Variants in PPFIA2 observed in about 807,000 individuals in gnomAD.
PPFIA2 encodes the protein liprin-alpha-2.
PPFIA2 carries 46 observed loss-of-function variants against 175.5 expected under a neutral mutation model. The ratio of observed to expected loss-of-function variants is 0.26; its 90% CI spans 0.21 to 0.34. The LOEUF is 0.34. Among genes scored for constraint, PPFIA2 ranks in the 10% least tolerant of loss-of-function variants. PPFIA2 has a pLI of 1.00. For missense variants in PPFIA2, 1,179 were observed against 1,506.1 expected (o/e 0.78, Z 3.60); for synonymous variants, 568 against 511.4 (o/e 1.11, Z -1.49).
chr12:81,440,806 A>ATATCC (rs1462185252), intron 6 of PPFIA2, among the ~76,000 whole-genome samples: 73 of 146,654 alleles, frequency 5.0e-4, no homozygotes, highest in Non-Finnish European at 7.1e-4. Context: ...ATCTATATAT[A>ATATCC]TGTCCTGATA....
chr12:81,689,737 A>T (rs1442409265), intron 3 of PPFIA2, among the ~76,000 whole-genome samples: 1 of 152,064 alleles, frequency 6.6e-6, no homozygotes, highest in Non-Finnish European at 1.5e-5. Context: ...AATTTAGAAT[A>T]TTTTATATCC....
chr12:81,677,975 A>G (rs2072883629), intron 3 of PPFIA2, among the ~76,000 whole-genome samples: 1 of 151,894 alleles, frequency 6.6e-6, no homozygotes, highest in Admixed American at 6.6e-5. Context: ...CCAGGTTTTT[A>G]GTGTTTGCAA....
chr12:81,511,288 GCCAACAGACACTT>G (rs2061762954), intron 4 of PPFIA2, among the ~76,000 whole-genome samples: 1 of 152,062 alleles, frequency 6.6e-6, no homozygotes, highest in African/African-American at 2.4e-5. Context: ...TCTCACCACT[GCCAACAGACACTT>G]TGTGATGGGT....
At chr12:81,380,837 T>A (rs1391211645) in intron 9 of PPFIA2, among the ~76,000 whole-genome samples, 1 of 152,110 alleles carries the variant, frequency 6.6e-6, no homozygotes, top group Non-Finnish European at 1.5e-5. Context: ...AATTTGAGAC[T>A]TTCCATGTAA....
chr12:81,427,026 T>A (rs1363146754), intron 7 of PPFIA2, among the ~76,000 whole-genome samples: 2 of 152,262 alleles, frequency 1.3e-5, no homozygotes, highest in Non-Finnish European at 2.9e-5. Flanking sequence ...TAAAGGTAGT[T>A]TAATTTGATT....
At chr12:81,457,965 G>A in intron 4 of PPFIA2, 99 bp from the exon 5 acceptor site, 1 of 716,996 alleles carries the variant, frequency 1.4e-6, no homozygotes, top group Non-Finnish European at 2.3e-6. Context: ...GGGGAAAAAT[G>A]ACCCCACTGA....
Position 81,642,737 on chromosome 12 carries a change from G to T in PPFIA2, c.303+34054C>A, listed in dbSNP as rs1463679955. Among the ~76,000 whole-genome samples the T allele has an allele frequency of 1.2e-3, 25 of 21,170 alleles. 3 individuals are homozygous for T. Among genetic ancestry groups the T allele is most frequent in the Non-Finnish European group, 2.4e-3 (18 of 7,564 alleles). 13.9% of individuals were successfully genotyped at this position (21,170 alleles called of 152,430 possible). A position where few individuals can be genotyped will look rare whatever the true frequency, so the allele number is the denominator to read the frequency against. On this transcript the variant is annotated intron_variant, in intron 4 of 32. Transcript: ENST00000549396. ...ATGTATTATATACATACATGTATAT[G>T]TATGTATGTATTATATACATACATG... is the stretch of plus-strand genomic sequence containing the variant.
rs533191110 is a variant in PPFIA2 at position 81,369,660 on chromosome 12, C to T, written c.1267-466G>A. On this transcript the variant is annotated intron_variant, in intron 11 of 32. Transcript: ENST00000549396. ...GAGATCATTTCTTGTAGTTTAGCTT[C>T]CATAACATATTGATAATCATCAGAT... Among the ~76,000 whole-genome samples the T allele has an allele frequency of 1.1e-4, 16 of 151,874 alleles. No individual in the cohort carries two copies. In the South Asian group the frequency reaches 2.7e-3, roughly 26 times the overall value.
chr12:81,756,164 A>G (rs2084621126), intron 2 of PPFIA2, among the ~76,000 whole-genome samples: 1 of 152,142 alleles, frequency 6.6e-6, no homozygotes, highest in Non-Finnish European at 1.5e-5. Context: ...TTTACTTTTG[A>G]CATTTAAGGT....
chr12:81,515,748 T>G (rs2147917899), intron 4 of PPFIA2, among the ~76,000 whole-genome samples: 1 of 152,226 alleles, frequency 6.6e-6, no homozygotes, highest in Admixed American at 6.6e-5. Flanking sequence ...ACAATTCTAT[T>G]TTTCAAATCA....
At chr12:81,264,554 T>G (rs1299034945) in intron 30 of PPFIA2, among the ~76,000 whole-genome samples, 1 of 152,192 alleles carries the variant, frequency 6.6e-6, no homozygotes. Flanking sequence ...TTTGGAATAA[T>G]AAGTCTATAT....
intron 4 of PPFIA2, among the ~76,000 whole-genome samples, chr12:81,618,768 G>A (rs1306104556): frequency 6.6e-6 from 1 of 151,452 alleles, no homozygotes; most frequent in Non-Finnish European, 1.5e-5. Context: ...TCCTGACCTC[G>A]TGATCCACCC....
intron 24 of PPFIA2, among the ~76,000 whole-genome samples, chr12:81,287,345 AT>A (rs1264372358): frequency 2.0e-5 from 3 of 151,914 alleles, no homozygotes; most frequent in African/African-American, 7.2e-5. Flanking sequence ...TCTTTCACAG[AT>A]TATCTTTAAG....
At chr12:81,642,810 T>TAATTATGTATAGATTATA (rs1555549952) in intron 4 of PPFIA2, among the ~76,000 whole-genome samples, 1 of 24,682 alleles carries the variant, frequency 4.1e-5, no homozygotes, top group Non-Finnish European at 7.1e-5. Context: ...TATGTATGTA[T>TAATTATGTATAGATTATA]TACATACATG....
intron 8 of PPFIA2, among the ~76,000 whole-genome samples, chr12:81,400,873 T>C (rs1296195784): frequency 6.6e-6 from 1 of 152,182 alleles, no homozygotes; most frequent in East Asian, 1.9e-4. Flanking sequence ...GTATGGTCAT[T>C]GAAGGATCAG....
intron 5 of PPFIA2, among the ~76,000 whole-genome samples, chr12:81,455,593 C>T (rs17008588): frequency 0.094 from 14,289 of 152,150 alleles, 820 homozygotes; most frequent in Middle Eastern, 0.16. Flanking sequence ...GACTCCTTTG[C>T]AAACACAATA....
At chr12:81,325,184 C>T (rs1412892979) in intron 22 of PPFIA2, among the ~76,000 whole-genome samples, 1 of 152,010 alleles carries the variant, frequency 6.6e-6, no homozygotes, top group Non-Finnish European at 1.5e-5. Context: ...GAAAATGTTA[C>T]TATGTATTTT....
chr12:81,394,802 A>G (rs1198582426), intron 8 of PPFIA2, among the ~76,000 whole-genome samples: 3 of 147,228 alleles, frequency 2.0e-5, no homozygotes, highest in African/African-American at 7.7e-5. Flanking sequence ...CATGTGTCCC[A>G]GAAGTTAAAA....
chr12:81,464,591 G>A (rs2055241684), intron 4 of PPFIA2, among the ~76,000 whole-genome samples: 1 of 152,062 alleles, frequency 6.6e-6, no homozygotes, highest in African/African-American at 2.4e-5. Context: ...ATGAAAAGAG[G>A]CTTCTCTTGT....
Sources: allele counts gnomAD v4.1 joint callset (sites outside exome capture counted in the v4.1 genomes callset), GRCh38; gene constraint gnomAD v4.1.1; transcripts MANE v1.5; gene names NCBI Gene and HGNC (gene_info 2026-07-23, HGNC 2026-07-21).